Variants in MAPK4 observed in about 807,000 individuals in gnomAD.
MAPK4 encodes the protein mitogen-activated protein kinase 4.
A neutral mutation model predicts 47.7 loss-of-function variants in MAPK4; 22 were observed. The observed-to-expected ratio is 0.46, with a 90% CI of 0.33 to 0.66. The LOEUF (loss-of-function observed/expected upper bound fraction) is 0.66, where lower values mean the gene tolerates loss of function less well. Ranked by LOEUF, MAPK4 falls within the 30% of genes least tolerant of loss-of-function variation. MAPK4 has a pLI of 0.02. For missense variants in MAPK4, 736 were observed against 831.7 expected (o/e 0.88, Z 1.42); for synonymous variants, 390 against 365.7 (o/e 1.07, Z -0.76).
At chr18:50,576,770 A>T (rs899337018) in intron 1 of MAPK4, among the ~76,000 whole-genome samples, 2 of 152,220 alleles carry the variant, frequency 1.3e-5, no homozygotes, top group African/African-American at 4.8e-5. Context: ...GTATTTATTA[A>T]TGAAGCAGTA....
intron 1 of MAPK4, among the ~76,000 whole-genome samples, chr18:50,575,108 C>T (rs142525164): frequency 2.3e-4 from 35 of 152,278 alleles, no homozygotes; most frequent in African/African-American, 7.9e-4. Context: ...GGGCTCTGTC[C>T]TCATGAATAG....
intron 1 of MAPK4, among the ~76,000 whole-genome samples, chr18:50,624,618 G>T (rs941235124): frequency 2.0e-5 from 3 of 152,142 alleles, no homozygotes; most frequent in African/African-American, 7.2e-5. Context: ...GGATGTTAGG[G>T]TTATTCCATT....
chr18:50,637,328 A>T (rs183709581), intron 1 of MAPK4, among the ~76,000 whole-genome samples: 6 of 152,194 alleles, frequency 3.9e-5, no homozygotes. Flanking sequence ...AAGCAAACAA[A>T]GTAGAGATCT....
At chr18:50,719,038 C>CGT (rs10649781) in intron 3 of MAPK4, among the ~76,000 whole-genome samples, 24,179 of 143,756 alleles carry the variant, frequency 0.17, 2,097 homozygotes, top group South Asian at 0.24. Context: ...GAGCCGAGAT[C>CGT]GTGCCACTGC....
chr18:50,625,518 G>T (rs528496298), intron 1 of MAPK4, among the ~76,000 whole-genome samples: 10 of 152,284 alleles, frequency 6.6e-5, no homozygotes, highest in Middle Eastern at 3.4e-3. Flanking sequence ...CACATGCAAG[G>T]GCTGTGACAC....
intron 1 of MAPK4, among the ~76,000 whole-genome samples, chr18:50,609,569 A>G (rs1217820117): frequency 2.6e-5 from 4 of 152,136 alleles, no homozygotes; most frequent in African/African-American, 7.2e-5. Context: ...CTTTGCCACT[A>G]TCGATTCTTG....
At chr18:50,642,250 T>C (rs527480891) in intron 1 of MAPK4, among the ~76,000 whole-genome samples, 74 of 152,362 alleles carry the variant, frequency 4.9e-4, no homozygotes, top group South Asian at 1.0e-3. Context: ...AGTTGAAATG[T>C]ATTATTGTAT....
At chr18:50,680,242 C>T (rs1174845029) in intron 2 of MAPK4, among the ~76,000 whole-genome samples, 4 of 151,720 alleles carry the variant, frequency 2.6e-5, no homozygotes, top group Non-Finnish European at 5.9e-5. Flanking sequence ...CAGGTGCCCA[C>T]CACCACGCCC....
At chr18:50,708,564 A>T (rs1036650312) in intron 2 of MAPK4, among the ~76,000 whole-genome samples, 6 of 152,168 alleles carry the variant, frequency 3.9e-5, no homozygotes, top group Non-Finnish European at 7.4e-5. Context: ...TCCTCAAGGG[A>T]TCTGAGAGCA....
intron 5 of MAPK4, 102 bp from the exon 6 acceptor site, chr18:50,729,056 A>C: frequency 9.9e-7 from 1 of 1,007,532 alleles, no homozygotes; most frequent in Non-Finnish European, 1.5e-6. Flanking sequence ...TGGGGGTCGA[A>C]GGCAGGTGTG....
At chr18:50,619,574 C>G (rs2042713441) in intron 1 of MAPK4, among the ~76,000 whole-genome samples, 1 of 152,278 alleles carries the variant, frequency 6.6e-6, no homozygotes, top group Non-Finnish European at 1.5e-5. Flanking sequence ...AGCAGTCCTC[C>G]CACCTCAGCC....
chr18:50,580,462 C>T (rs1371637104), intron 1 of MAPK4, among the ~76,000 whole-genome samples: 1 of 152,178 alleles, frequency 6.6e-6, no homozygotes, highest in Non-Finnish European at 1.5e-5. Flanking sequence ...GAATACCTCC[C>T]CAAAGGCTGC....
intron 1 of MAPK4, among the ~76,000 whole-genome samples, chr18:50,623,247 A>T (rs940493206): frequency 6.6e-6 from 1 of 152,184 alleles, no homozygotes; most frequent in Non-Finnish European, 1.5e-5. Context: ...TTAATTCAGA[A>T]CTAGAACCTG....
chr18:50,711,556 G>A (rs1910364537), intron 2 of MAPK4, among the ~76,000 whole-genome samples: 1 of 152,218 alleles, frequency 6.6e-6, no homozygotes, highest in Admixed American at 6.5e-5. Flanking sequence ...CAACAGCCGC[G>A]TGCAGACGCA....
In MAPK4 at chr18:50,664,220, G is replaced by T. The variant is rs1907463142; in HGVS notation, c.262G>T (p.Gly88Cys). The T allele has an allele frequency of 6.2e-7, 1 of 1,614,024 alleles. No individual in the cohort carries two copies. The highest frequency in any genetic ancestry group is 2.2e-5 in the East Asian group (1 of 44,880). ...VKVYEVLGPK[G>C]TDLQGELFKF... Reference sequence around the variant, plus strand: ...AGTGTACGAGGTGCTCGGTCCCAAGGGCACTGACCTGCAGGGTGAGCTGTT... The same window carrying T: ...AGTGTACGAGGTGCTCGGTCCCAAGTGCACTGACCTGCAGGGTGAGCTGTT... The change falls in exon 2 of 6, where the codon GGC becomes TGC. Residue 88 changes from glycine (G) to cysteine (C), a missense_variant. Transcript: ENST00000400384. This position sits in a 1 kb window ranked among gnomAD's most constrained non-coding sequence, Gnocchi z 6.0.
rs111627336 is a variant in MAPK4, at chr18:50,679,995, G to A, written c.546+15491G>A. 7.2e-3 allele frequency among the ~76,000 whole-genome samples: 1,081 copies of A among 149,648 alleles called. 10 individuals are homozygous for A. The highest frequency in any genetic ancestry group is 0.025 in the African/African-American group (1,028 of 40,330). ...CCCACCAAGGGACCCAGCGCTCGCC[G>A]CCCCACACACAGCGAGTTAGGAAAA... On this transcript the variant is annotated intron_variant, in intron 2 of 5. Coordinates refer to ENST00000400384, the MANE Select transcript of MAPK4 (RefSeq NM_002747.4).
intron 2 of MAPK4, among the ~76,000 whole-genome samples, chr18:50,712,645 C>G (rs536635218): frequency 6.6e-6 from 1 of 151,998 alleles, no homozygotes. Context: ...ATGTCAACAT[C>G]TTTCTTTTAC....
At chr18:50,691,185 G>C (rs1450817176) in intron 2 of MAPK4, among the ~76,000 whole-genome samples, 1 of 152,114 alleles carries the variant, frequency 6.6e-6, no homozygotes, top group African/African-American at 2.4e-5. Flanking sequence ...TAGAGACAGG[G>C]TTTCACCATG....
chr18:50,682,016 A>ATTCTG (rs1217538822), intron 2 of MAPK4, among the ~76,000 whole-genome samples: 1 of 152,236 alleles, frequency 6.6e-6, no homozygotes, highest in Non-Finnish European at 1.5e-5. Flanking sequence ...AATGTACAGA[A>ATTCTG]TAGGCAAACC....
Sources: allele counts gnomAD v4.1 joint callset (sites outside exome capture counted in the v4.1 genomes callset), GRCh38; gene constraint gnomAD v4.1.1; non-coding constraint Gnocchi (gnomAD v3.1); transcripts MANE v1.5; gene names NCBI Gene and HGNC (gene_info 2026-07-23, HGNC 2026-07-21).